Variants in SRGAP1 observed in about 807,000 individuals in gnomAD.
The protein encoded by SRGAP1 is SLIT-ROBO Rho GTPase-activating protein 1.
In SRGAP1, 43 loss-of-function variants were observed where a neutral mutation model predicts 121.9. The observed-to-expected ratio is 0.35, with a 90% CI of 0.28 to 0.46. The LOEUF (loss-of-function observed/expected upper bound fraction) is 0.46. Among genes scored for constraint, SRGAP1 ranks in the 20% least tolerant of loss-of-function variants. SRGAP1 has a pLI of 1.00. For synonymous variants in SRGAP1, 447 were observed against 485.4 expected (o/e 0.92, Z 1.04); for missense variants, 1,102 against 1,350.9 (o/e 0.82, Z 2.89).
intron 4 of SRGAP1, among the ~76,000 whole-genome samples, chr12:64,042,272 AAT>A (rs2035041182): frequency 6.6e-6 from 1 of 152,112 alleles, no homozygotes. Context: ...GAACATAAAA[AAT>A]ATATATTACT....
intron 1 of SRGAP1, among the ~76,000 whole-genome samples, chr12:63,889,696 G>A (rs1329728507): frequency 6.6e-6 from 1 of 152,000 alleles, no homozygotes; most frequent in South Asian, 2.1e-4. Context: ...GATCATGAGG[G>A]CAGGAGTTCA....
At chr12:64,045,778 T>C (rs1055117905) in intron 6 of SRGAP1, among the ~76,000 whole-genome samples, 1 of 152,136 alleles carries the variant, frequency 6.6e-6, no homozygotes, top group African/African-American at 2.4e-5. Context: ...TCTCCGTGTA[T>C]AGAAAAGTAC....
intron 1 of SRGAP1, among the ~76,000 whole-genome samples, chr12:63,858,577 A>G (rs1183378717): frequency 2.0e-5 from 3 of 152,228 alleles, no homozygotes; most frequent in Non-Finnish European, 4.4e-5. Context: ...GTTCAGTAGA[A>G]CTGTTTATCT....
At chr12:64,123,705 C>T (rs1211989562) in intron 18 of SRGAP1, among the ~76,000 whole-genome samples, 1 of 151,330 alleles carries the variant, frequency 6.6e-6, no homozygotes, top group Non-Finnish European at 1.5e-5. Flanking sequence ...ACTGAGGCCT[C>T]ACTGTGTTGT....
chr12:64,035,942 AC>A (rs2034894035), intron 4 of SRGAP1, among the ~76,000 whole-genome samples: 1 of 152,160 alleles, frequency 6.6e-6, no homozygotes, highest in South Asian at 2.1e-4. Flanking sequence ...CTGTGTGCTT[AC>A]ATTCTGTCAT....
intron 1 of SRGAP1, among the ~76,000 whole-genome samples, chr12:63,873,299 G>A (rs1292401523): frequency 6.6e-6 from 1 of 152,116 alleles, no homozygotes; most frequent in African/African-American, 2.4e-5. Flanking sequence ...GGGAGGCCGA[G>A]GCGGGTGGAT....
intron 1 of SRGAP1, among the ~76,000 whole-genome samples, chr12:63,891,671 C>T (rs1013001477): frequency 3.9e-5 from 6 of 151,908 alleles, no homozygotes; most frequent in Admixed American, 1.3e-4. Context: ...TGACAAAGGA[C>T]GCAAATCTAT....
chr12:64,022,731 C>G (rs2034576199), intron 4 of SRGAP1, among the ~76,000 whole-genome samples: 1 of 152,100 alleles, frequency 6.6e-6, no homozygotes. Context: ...AAATGGAGAT[C>G]AAAATAATAC....
intron 1 of SRGAP1, among the ~76,000 whole-genome samples, chr12:63,859,690 T>C (rs770687854): frequency 5.9e-5 from 9 of 152,204 alleles, no homozygotes; most frequent in Non-Finnish European, 1.2e-4. Context: ...GTATTTAGAA[T>C]GTAAGCATCT....
chr12:63,861,302 A>ATATT (rs1184711599), intron 1 of SRGAP1, among the ~76,000 whole-genome samples: 16 of 132,628 alleles, frequency 1.2e-4, no homozygotes, highest in South Asian at 4.9e-4. Flanking sequence ...ATATATATAT[A>ATATT]TTTTTTTTTT....
At chr12:63,877,691 G>A (rs1900072098) in intron 1 of SRGAP1, among the ~76,000 whole-genome samples, 1 of 152,168 alleles carries the variant, frequency 6.6e-6, no homozygotes, top group African/African-American at 2.4e-5. Flanking sequence ...GGCTAATTTA[G>A]ATGTGTGGTG....
intron 1 of SRGAP1, among the ~76,000 whole-genome samples, chr12:63,938,803 A>G (rs2031758803): frequency 1.3e-5 from 2 of 151,350 alleles, no homozygotes; most frequent in South Asian, 4.2e-4. Context: ...TTAAAGGCAT[A>G]TGGTTTGCTA....
intron 16 of SRGAP1, among the ~76,000 whole-genome samples, chr12:64,111,341 G>A (rs2036427195): frequency 6.6e-6 from 1 of 152,026 alleles, no homozygotes; most frequent in African/African-American, 2.4e-5. Context: ...AAGATTTATA[G>A]GAGAAAACTA....
intron 1 of SRGAP1, among the ~76,000 whole-genome samples, chr12:63,949,249 C>T (rs2032200250): frequency 7.0e-6 from 1 of 141,860 alleles, no homozygotes; most frequent in Non-Finnish European, 1.5e-5. Flanking sequence ...GAGAATATAT[C>T]TCTGGTACAA....
At chr12:63,986,548 C>A (rs1268233314) in intron 2 of SRGAP1, among the ~76,000 whole-genome samples, 1 of 151,992 alleles carries the variant, frequency 6.6e-6, no homozygotes, top group Non-Finnish European at 1.5e-5. Context: ...CTCAGTCTCC[C>A]GAGTAGCAGG....
intron 1 of SRGAP1, among the ~76,000 whole-genome samples, chr12:63,977,903 C>T (rs1201746047): frequency 6.6e-6 from 1 of 152,150 alleles, no homozygotes; most frequent in East Asian, 1.9e-4. Flanking sequence ...CTTACAGCCT[C>T]CTCAGAGATC....
In SRGAP1 at chr12:64,123,675, T is replaced by G. The variant is rs569395580; in HGVS notation, c.2225-2302T>G. On this transcript the variant is annotated intron_variant, in intron 18 of 21. Transcript: ENST00000355086. ...TTATTTATTTATTTATTTATTTATT[T>G]ATTTATTTATTTTTATAGAACTGAG... is the stretch of plus-strand genomic sequence containing the variant. Among the ~76,000 whole-genome samples the G allele has an allele frequency of 4.6e-4, 67 of 145,036 alleles. No individual in the cohort carries two copies. In the South Asian group the frequency reaches 5.0e-3, roughly 11 times the overall value.
At chr12:64,078,795 A>C (rs1000368926) in intron 8 of SRGAP1, 124 bp from the exon 9 acceptor site, 26 of 899,534 alleles carry the variant, frequency 2.9e-5, no homozygotes, top group Non-Finnish European at 4.4e-5. Context: ...TTCTCTCCTA[A>C]TAGACTGTGA....
At chr12:63,955,400 A>G (rs2032433325) in intron 1 of SRGAP1, among the ~76,000 whole-genome samples, 1 of 152,230 alleles carries the variant, frequency 6.6e-6, no homozygotes, top group Admixed American at 6.5e-5. Context: ...TGCATTGTGG[A>G]GTGGCTAAAT....
Sources: allele counts gnomAD v4.1 joint callset (sites outside exome capture counted in the v4.1 genomes callset), GRCh38; gene constraint gnomAD v4.1.1; transcripts MANE v1.5; gene names NCBI Gene and HGNC (gene_info 2026-07-23, HGNC 2026-07-21).